The following GAREM1 variants were observed in gnomAD, a reference collection of about 807,000 sequenced individuals.
The protein encoded by GAREM1 is GRB2 associated regulator of MAPK1 subtype 1.
GAREM1 carries 26 observed loss-of-function variants against 71.3 expected under a neutral mutation model. The ratio of observed to expected loss-of-function variants is 0.36; its 90% CI spans 0.27 to 0.51. GAREM1 has a LOEUF of 0.51. GAREM1 is among the 20% of genes least tolerant of loss of function. The pLI is 0.95. For synonymous variants in GAREM1, 440 were observed against 433.2 expected, an observed-to-expected ratio of 1.02 and a Z score of -0.20; for missense variants, 1,026 against 1,103.1, an observed-to-expected ratio of 0.93 and a Z score of 0.99.
intron 2 of GAREM1, among the ~76,000 whole-genome samples, chr18:32,345,931 A>G (rs1264725768): frequency 6.6e-6 from 1 of 152,218 alleles, no homozygotes; most frequent in Non-Finnish European, 1.5e-5. Context: ...TTAACTTTTT[A>G]TCATTAACTA....
At chr18:32,379,227 C>T (rs1363948768) in intron 2 of GAREM1, among the ~76,000 whole-genome samples, 1 of 152,132 alleles carries the variant, frequency 6.6e-6, no homozygotes, top group African/African-American at 2.4e-5. Flanking sequence ...TGTGTCTTAA[C>T]TGCCACACTG....
At chr18:32,328,266 T>A (rs1035680472) in intron 2 of GAREM1, among the ~76,000 whole-genome samples, 2 of 152,208 alleles carry the variant, frequency 1.3e-5, no homozygotes, top group Admixed American at 6.5e-5. Flanking sequence ...TGATTTAGGA[T>A]GGCATATTTA....
intron 1 of GAREM1, among the ~76,000 whole-genome samples, chr18:32,462,139 G>A (rs1291584789): frequency 6.6e-6 from 1 of 152,192 alleles, no homozygotes; most frequent in Non-Finnish European, 1.5e-5. Context: ...ACCTAGTAGT[G>A]GGACTGCTGA....
chr18:32,468,506 A>C (rs982744495), intron 1 of GAREM1, among the ~76,000 whole-genome samples: 26 of 152,244 alleles, frequency 1.7e-4, no homozygotes, highest in African/African-American at 6.3e-4. Flanking sequence ...TATAGTGATC[A>C]AAATCCATTC....
At chr18:32,418,427 T>C (rs962398403) in intron 1 of GAREM1, among the ~76,000 whole-genome samples, 1 of 152,134 alleles carries the variant, frequency 6.6e-6, no homozygotes, top group African/African-American at 2.4e-5. Context: ...TGTTATGGAA[T>C]AGCCACATAC....
At chr18:32,368,945 T>C (rs542062870) in intron 2 of GAREM1, among the ~76,000 whole-genome samples, 47 of 152,340 alleles carry the variant, frequency 3.1e-4, no homozygotes, top group African/African-American at 1.1e-3. Context: ...ATATAAAATA[T>C]AATAATTGTC....
At chr18:32,404,134 T>A (rs979833772) in intron 1 of GAREM1, among the ~76,000 whole-genome samples, 6 of 152,246 alleles carry the variant, frequency 3.9e-5, no homozygotes, top group African/African-American at 2.4e-5. Context: ...TACAGTTGAA[T>A]GTATCTGAAT....
At chr18:32,319,995 C>T (rs1054889710) in intron 2 of GAREM1, among the ~76,000 whole-genome samples, 1 of 152,194 alleles carries the variant, frequency 6.6e-6, no homozygotes, top group Non-Finnish European at 1.5e-5. Flanking sequence ...GCTTTGAGTA[C>T]TTAGTCCAAG....
Position 32,437,403 on chromosome 18 carries a change from ATGT to A in GAREM1, c.121+32902_121+32904del, listed in dbSNP as rs551855737. On this transcript the variant is annotated intron_variant, in intron 1 of 5. Coordinates refer to ENST00000269209, the MANE Select transcript of GAREM1 (RefSeq NM_001242409.2). ...TGCTTGAGAAAGACATGAGTGAGAA[ATGT>A]TGTAAAAACTGTAACTGAAATTAGT... Among the ~76,000 whole-genome samples, 413 of 152,324 alleles carry A rather than the reference ATGT, an allele frequency of 2.7e-3. 3 individuals carry two copies. Among genetic ancestry groups the A allele is most frequent in the African/African-American group, 9.6e-3 (401 of 41,556 alleles).
At chr18:32,412,151 T>G in intron 1 of GAREM1, 2 of 1,270,416 alleles carry the variant, frequency 1.6e-6, no homozygotes, top group Non-Finnish European at 2.2e-6. Context: ...ACAAATCTGT[T>G]GTAACCTGTG....
chr18:32,363,987 C>CATAT (rs1483479851), intron 2 of GAREM1, among the ~76,000 whole-genome samples: 6 of 27,090 alleles, frequency 2.2e-4, no homozygotes, highest in South Asian at 1.4e-3. Flanking sequence ...TACATAAATA[C>CATAT]ATATATACAT....
intron 3 of GAREM1, among the ~76,000 whole-genome samples, chr18:32,297,448 G>A (rs192175081): frequency 3.0e-4 from 45 of 152,300 alleles, no homozygotes; most frequent in Non-Finnish European, 5.6e-4. Context: ...GGAGGCCATC[G>A]TTACTATTAC....
intron 1 of GAREM1, among the ~76,000 whole-genome samples, chr18:32,396,763 C>G (rs545664299): frequency 2.6e-5 from 4 of 152,262 alleles, no homozygotes; most frequent in Admixed American, 2.0e-4. Flanking sequence ...CTTCCCCAAT[C>G]TAGCAAGGCC....
chr18:32,415,951 T>C (rs977698360), intron 1 of GAREM1, among the ~76,000 whole-genome samples: 1 of 152,110 alleles, frequency 6.6e-6, no homozygotes, highest in African/African-American at 2.4e-5. Context: ...GCAGATGATA[T>C]ATGATTTTAT....
At chr18:32,387,888 T>C (rs2048163377) in intron 2 of GAREM1, among the ~76,000 whole-genome samples, 1 of 152,198 alleles carries the variant, frequency 6.6e-6, no homozygotes, top group Non-Finnish European at 1.5e-5. Context: ...CTGAGTTTTA[T>C]TGCTTTCCAA....
At chr18:32,446,158 T>A (rs1471857258) in intron 1 of GAREM1, among the ~76,000 whole-genome samples, 3 of 152,084 alleles carry the variant, frequency 2.0e-5, no homozygotes, top group Non-Finnish European at 4.4e-5. Flanking sequence ...GGACTGTTGA[T>A]TACTAGTACA....
At chr18:32,282,381 G>A (rs1033076148) in intron 4 of GAREM1, among the ~76,000 whole-genome samples, 26 of 152,068 alleles carry the variant, frequency 1.7e-4, no homozygotes, top group African/African-American at 4.8e-4. Context: ...AGCCGAGATC[G>A]CACCACTGCG....
chr18:32,453,027 G>A (rs1395966192), intron 1 of GAREM1, among the ~76,000 whole-genome samples: 3 of 152,028 alleles, frequency 2.0e-5, no homozygotes, highest in Non-Finnish European at 4.4e-5. Context: ...AGACATACCC[G>A]AGACTGGGTA....
chr18:32,274,878 G>A (rs915770746), intron 4 of GAREM1, among the ~76,000 whole-genome samples: 1 of 151,590 alleles, frequency 6.6e-6, no homozygotes, highest in Non-Finnish European at 1.5e-5. Flanking sequence ...GGGGATAGCA[G>A]AGTTTGGGGA....
Sources: allele counts gnomAD v4.1 joint callset (sites outside exome capture counted in the v4.1 genomes callset), GRCh38; gene constraint gnomAD v4.1.1; transcripts MANE v1.5; gene names NCBI Gene and HGNC (gene_info 2026-07-23, HGNC 2026-07-21).